The following EVL variants were observed in gnomAD, a reference collection of about 807,000 sequenced individuals.
EVL encodes the protein ena/VASP-like protein.
In EVL, 21 loss-of-function variants were observed where a neutral mutation model predicts 59.6. The observed-to-expected ratio is 0.35, with a 90% confidence interval of 0.25 to 0.51. The LOEUF (loss-of-function observed/expected upper bound fraction) is 0.51. Ranked by LOEUF, EVL falls within the 20% of genes least tolerant of loss-of-function variation. The pLI, the probability that EVL is intolerant of heterozygous loss-of-function variation, is 0.97. For synonymous variants in EVL, 198 were observed against 203.5 expected (o/e 0.97, Z 0.23); for missense variants, 462 against 546.6 (o/e 0.85, Z 1.54).
chr14:100,115,215 A>G (rs1302278757), intron 3 of EVL, among the ~76,000 whole-genome samples: 1 of 152,162 alleles, frequency 6.6e-6, no homozygotes, highest in Non-Finnish European at 1.5e-5. Context: ...CAACTCCCCT[A>G]AGGAACACAG....
At chr14:100,126,658 G>T in intron 4 of EVL, 49 bp from the exon 5 acceptor site, 2 of 1,600,060 alleles carry the variant, frequency 1.2e-6, no homozygotes, top group South Asian at 2.2e-5. Flanking sequence ...AGAGTGTGGT[G>T]GTCTCCAGAG....
intron 1 of EVL, among the ~76,000 whole-genome samples, chr14:99,997,846 G>C (rs2060923546): frequency 6.6e-6 from 1 of 152,012 alleles, no homozygotes; most frequent in Non-Finnish European, 1.5e-5. Flanking sequence ...TTTCCTAAGG[G>C]GAAATACTCT....
intron 1 of EVL, among the ~76,000 whole-genome samples, chr14:100,048,956 A>G (rs566262581): frequency 5.5e-4 from 84 of 152,270 alleles, no homozygotes; most frequent in African/African-American, 1.9e-3. Context: ...TATGACTACA[A>G]AGGGAGAGCT....
intron 3 of EVL, among the ~76,000 whole-genome samples, chr14:100,099,143 G>T (rs983042768): frequency 8.4e-6 from 1 of 118,930 alleles, no homozygotes; most frequent in Non-Finnish European, 1.6e-5. Flanking sequence ...CGGAGTTCAA[G>T]ACCAACCTAG....
At chr14:100,044,411 C>T (rs888472165) in intron 1 of EVL, among the ~76,000 whole-genome samples, 18 of 152,194 alleles carry the variant, frequency 1.2e-4, no homozygotes, top group East Asian at 9.6e-4. Flanking sequence ...ACAATAACAA[C>T]GAGAACAATA....
intron 2 of EVL, among the ~76,000 whole-genome samples, chr14:100,092,020 C>G (rs534467724): frequency 6.6e-6 from 1 of 152,276 alleles, no homozygotes; most frequent in South Asian, 2.1e-4. Flanking sequence ...AGGAGGATCA[C>G]TTGAGCCCAG....
chr14:100,050,029 A>T (rs1440668328), intron 1 of EVL, among the ~76,000 whole-genome samples: 9 of 152,228 alleles, frequency 5.9e-5, no homozygotes, highest in Admixed American at 2.6e-4. Flanking sequence ...TTTACAAAGC[A>T]GGATTTACGT....
At chr14:100,123,885 G>T (rs1260308899) in intron 4 of EVL, among the ~76,000 whole-genome samples, 1 of 152,202 alleles carries the variant, frequency 6.6e-6, no homozygotes, top group East Asian at 1.9e-4. Flanking sequence ...ACCCAGCAGG[G>T]CCCAAGTGCT....
chr14:99,979,999 A>G (rs1270539442), intron 1 of EVL, among the ~76,000 whole-genome samples: 1 of 152,196 alleles, frequency 6.6e-6, no homozygotes, highest in African/African-American at 2.4e-5. Context: ...TAGCATTTGC[A>G]TTGTATTAGG....
intron 1 of EVL, among the ~76,000 whole-genome samples, chr14:100,057,292 G>C (rs1179957962): frequency 6.6e-6 from 1 of 152,194 alleles, no homozygotes; most frequent in Non-Finnish European, 1.5e-5. Flanking sequence ...ATGTAGCATA[G>C]TGTCCTCATG....
chr14:100,131,144 C>T (rs1476808220), intron 7 of EVL, among the ~76,000 whole-genome samples: 2 of 152,162 alleles, frequency 1.3e-5, no homozygotes, highest in Non-Finnish European at 2.9e-5. Flanking sequence ...GCATCGGGTT[C>T]CACCTCAGAG....
At chr14:99,977,610 A>G (rs1050079398) in intron 1 of EVL, among the ~76,000 whole-genome samples, 1 of 151,984 alleles carries the variant, frequency 6.6e-6, no homozygotes, top group Non-Finnish European at 1.5e-5. Context: ...AATATTTTGT[A>G]TTTTTAGTAG....
In EVL at chr14:100,121,042, G is replaced by A. The variant is rs76550161; in HGVS notation, c.359-2497G>A. ...CCAAGCTCAGCTCGGGCGACGAGAG[G>A]TGGCTCCAAGGTGCTCATCTGCAGC... On this transcript the variant is annotated intron_variant, in intron 3 of 13. Coordinates refer to ENST00000392920, the MANE Select transcript of EVL (RefSeq NM_016337.3). 8.8e-3 allele frequency among the ~76,000 whole-genome samples: 1,348 copies of A among 152,332 alleles called. 8 individuals carry two copies. Among genetic ancestry groups the A allele is most frequent in the Middle Eastern group, 0.014 (4 of 294 alleles).
At chr14:99,998,361 A>T (rs879709906) in intron 1 of EVL, among the ~76,000 whole-genome samples, 2 of 152,122 alleles carry the variant, frequency 1.3e-5, no homozygotes, top group Non-Finnish European at 2.9e-5. Flanking sequence ...CGGGTCTAAG[A>T]TCTGACTCTC....
At chr14:100,102,338 A>G (rs778754290) in intron 3 of EVL, 3 of 456,036 alleles carry the variant, frequency 6.6e-6, no homozygotes, top group South Asian at 4.6e-5. Context: ...GCAACCTTGT[A>G]TTTCCTTCCA....
intron 1 of EVL, among the ~76,000 whole-genome samples, chr14:99,979,973 A>G (rs2060796093): frequency 6.6e-6 from 1 of 152,282 alleles, no homozygotes; most frequent in Admixed American, 6.5e-5. Flanking sequence ...ACAATAAAGT[A>G]TAACAACTAT....
At chr14:100,119,068 G>C (rs903637528) in intron 3 of EVL, among the ~76,000 whole-genome samples, 1 of 152,228 alleles carries the variant, frequency 6.6e-6, no homozygotes, top group Non-Finnish European at 1.5e-5. Context: ...TGCTACCAGT[G>C]GTGAGCCCTG....
In EVL at chr14:99,972,262, G is replaced by A. The variant is rs1202001928; in HGVS notation, c.5+205G>A. Among the ~76,000 whole-genome samples the A allele has an allele frequency of 1.3e-5, 2 of 152,084 alleles. No homozygotes were observed. Among genetic ancestry groups the A allele is most frequent in the Non-Finnish European group, 2.9e-5 (2 of 67,982 alleles). ...GAGCCGTGGGGGCGTCTGGAGAGCC[G>A]GGAGGGTCTGCAGGGCTTGTGGGGG... On this transcript the variant is annotated intron_variant, in intron 1 of 13. Coordinates refer to the EVL transcript ENST00000402714. This position sits in a 1 kb window ranked among gnomAD's most constrained non-coding sequence, Gnocchi z 4.4.
intron 1 of EVL, among the ~76,000 whole-genome samples, chr14:100,000,628 T>A (rs539187043): frequency 6.6e-6 from 1 of 152,274 alleles, no homozygotes; most frequent in African/African-American, 2.4e-5. Flanking sequence ...ATTACAAGCA[T>A]GAGCTGTTGC....
Sources: allele counts gnomAD v4.1 joint callset (sites outside exome capture counted in the v4.1 genomes callset), GRCh38; gene constraint gnomAD v4.1.1; non-coding constraint Gnocchi (gnomAD v3.1); transcripts MANE v1.5; gene names NCBI Gene and HGNC (gene_info 2026-07-23, HGNC 2026-07-21).